Variants in FAM193A observed in about 807,000 individuals in gnomAD.
The protein encoded by FAM193A is family with sequence similarity 193 member A, also known as protein FAM193A.
Under a neutral mutation model 126.5 loss-of-function variants are expected in FAM193A, and 22 were observed. The ratio of observed to expected loss-of-function variants is 0.17; its 90% CI spans 0.12 to 0.25. The LOEUF (loss-of-function observed/expected upper bound fraction) is 0.25. FAM193A is among the 10% of genes least tolerant of loss of function. The pLI is 1.00. For synonymous variants in FAM193A, 761 were observed against 646.8 expected (o/e 1.18, Z -2.68); for missense variants, 1,675 against 1,672.8 (o/e 1.00, Z -0.02).
rs1482859844 is a variant in FAM193A at position 2,700,477 on chromosome 4, C to A, written c.4305C>A (p.Ser1435=). Reference sequence around the variant, plus strand: ...ACAGCAAGCTGGTGCTGGCAGAGTCCCCTCAGCCAAAGGGCAAGAACAAGA... The same window carrying A: ...ACAGCAAGCTGGTGCTGGCAGAGTCACCTCAGCCAAAGGGCAAGAACAAGA... ...QQNSKLVLAE[S]PQPKGKNKKN... The change falls in exon 19 of 21, where the codon TCC becomes TCA. Residue 1435 remains serine (S), a synonymous_variant. Transcript: ENST00000637812. The A allele has an allele frequency of 1.1e-5, 17 of 1,613,658 alleles. No individual in the cohort carries two copies. The highest frequency in any genetic ancestry group is 6.8e-6 in the Non-Finnish European group (8 of 1,179,676).
chr4:2,721,230 G>A (rs935372411), intron 20 of FAM193A, among the ~76,000 whole-genome samples: 6 of 148,788 alleles, frequency 4.0e-5, no homozygotes, highest in Admixed American at 6.7e-5. Context: ...GGAGAATGGC[G>A]TGAACCTGGG....
intron 2 of FAM193A, among the ~76,000 whole-genome samples, chr4:2,605,959 A>G (rs1239997168): frequency 3.7e-5 from 3 of 80,486 alleles, no homozygotes; most frequent in African/African-American, 4.9e-5. Context: ...CGACAGAGTG[A>G]GACTCTGTCT....
At chr4:2,685,620 T>C (rs145541795) in intron 13 of FAM193A, among the ~76,000 whole-genome samples, 15 of 152,332 alleles carry the variant, frequency 9.8e-5, no homozygotes, top group Non-Finnish European at 1.9e-4. Context: ...GTCTGTCATC[T>C]TAACCTTTTC....
chr4:2,595,807 C>G (rs777120597), intron 1 of FAM193A, among the ~76,000 whole-genome samples: 1 of 152,180 alleles, frequency 6.6e-6, no homozygotes, highest in Non-Finnish European at 1.5e-5. Context: ...CTGACAGTTT[C>G]TAGCATGTGG....
chr4:2,629,014 G>A (rs770300410), intron 4 of FAM193A, among the ~76,000 whole-genome samples: 6 of 152,094 alleles, frequency 3.9e-5, no homozygotes, highest in South Asian at 2.1e-4. Context: ...CACCATGCCC[G>A]GCTAATTTTT....
chr4:2,658,166 G>A (rs949820915), intron 8 of FAM193A, among the ~76,000 whole-genome samples: 3 of 152,110 alleles, frequency 2.0e-5, no homozygotes, highest in African/African-American at 7.2e-5. Flanking sequence ...TATTACCTGA[G>A]TCCCCACAGT....
Position 2,694,919 on chromosome 4 carries a change from C to G in FAM193A, c.3093-27C>G, listed in dbSNP as rs150441809. 3.3e-4 allele frequency: 509 copies of G among 1,560,508 alleles called. 5 individuals carry two copies. The East Asian group carries it at 0.012, about 35-fold the overall frequency. ...CATTGCCTCCCGGGCCGGCCACTTGCTGATGAGCTTGTATGCGGTTTTGCA... is the reference window on the plus strand; with the variant it reads ...CATTGCCTCCCGGGCCGGCCACTTGGTGATGAGCTTGTATGCGGTTTTGCA... On this transcript the variant is annotated intron_variant, in intron 16 of 20. Coordinates refer to ENST00000637812, the MANE Select transcript of FAM193A (RefSeq NM_001366318.2).
intron 1 of FAM193A, among the ~76,000 whole-genome samples, chr4:2,586,100 A>C (rs921963339): frequency 2.6e-5 from 4 of 151,710 alleles, no homozygotes; most frequent in African/African-American, 9.7e-5. Context: ...AAAATTAGCC[A>C]GGCGTGGTGG....
At chr4:2,547,081 T>C (rs1388267556) in intron 1 of FAM193A, among the ~76,000 whole-genome samples, 1 of 152,142 alleles carries the variant, frequency 6.6e-6, no homozygotes, top group African/African-American at 2.4e-5. Flanking sequence ...TGGCCTAAAC[T>C]GTTTTTTAAA....
At chr4:2,600,231 A>G (rs1741118887) in intron 2 of FAM193A, among the ~76,000 whole-genome samples, 1 of 152,158 alleles carries the variant, frequency 6.6e-6, no homozygotes, top group South Asian at 2.1e-4. Flanking sequence ...CATCCCTATC[A>G]GTCCATGGAT....
Position 2,546,308 on chromosome 4 carries a change from A to G in FAM193A, c.255+9138A>G, listed in dbSNP as rs150808833. Among the ~76,000 whole-genome samples, 465 of 152,208 alleles carry G rather than the reference A, an allele frequency of 3.1e-3. 2 individuals are homozygous for G. The highest frequency in any genetic ancestry group is 5.6e-3 in the Non-Finnish European group (380 of 68,024). Reference sequence around the variant, plus strand: ...TCCCAGCCAAAATTGAATGTTTAAAATGTGCATTTTGCATTTGAATTTTAA... The same window carrying G: ...TCCCAGCCAAAATTGAATGTTTAAAGTGTGCATTTTGCATTTGAATTTTAA... On this transcript the variant is annotated intron_variant, in intron 1 of 20. Coordinates refer to ENST00000637812, the MANE Select transcript of FAM193A (RefSeq NM_001366318.2).
chr4:2,539,850 G>A (rs1322662418), intron 1 of FAM193A, among the ~76,000 whole-genome samples: 1 of 152,092 alleles, frequency 6.6e-6, no homozygotes, highest in African/African-American at 2.4e-5. Flanking sequence ...TGTAATTCCA[G>A]CACTTCGGGA....
At chr4:2,550,769 ATTTTTATT>A (rs1451826877) in intron 1 of FAM193A, among the ~76,000 whole-genome samples, 2 of 139,432 alleles carry the variant, frequency 1.4e-5, no homozygotes, top group Non-Finnish European at 3.1e-5. Flanking sequence ...TTCAATTTAT[ATTTTTATT>A]TATTTATTTA....
intron 19 of FAM193A, among the ~76,000 whole-genome samples, chr4:2,709,925 C>T (rs1373840215): frequency 6.6e-6 from 1 of 152,060 alleles, no homozygotes; most frequent in Non-Finnish European, 1.5e-5. Flanking sequence ...TTTGGTAAAC[C>T]ATCTTTCTGT....
intron 1 of FAM193A, among the ~76,000 whole-genome samples, chr4:2,542,389 C>T (rs1030349428): frequency 2.0e-5 from 3 of 152,108 alleles, no homozygotes; most frequent in African/African-American, 7.2e-5. Context: ...ATCTATCTAC[C>T]TGCCTGGGCC....
At chr4:2,641,497 T>A (rs920265252) in intron 6 of FAM193A, among the ~76,000 whole-genome samples, 1 of 151,694 alleles carries the variant, frequency 6.6e-6, no homozygotes, top group Non-Finnish European at 1.5e-5. Flanking sequence ...CTACTAAAAA[T>A]ACAAAAAATT....
intron 12 of FAM193A, among the ~76,000 whole-genome samples, chr4:2,663,542 T>TA (rs775167398): frequency 6.7e-4 from 101 of 151,204 alleles, no homozygotes; most frequent in Admixed American, 1.6e-3. Context: ...AGAGAGGAGT[T>TA]AAAAAAAAAT....
intron 13 of FAM193A, among the ~76,000 whole-genome samples, chr4:2,676,468 TG>T (rs554874270): frequency 2.6e-4 from 40 of 152,360 alleles, no homozygotes; most frequent in Non-Finnish European, 4.4e-4. Context: ...ATATCTTCTT[TG>T]GAGAAACATC....
rs182955729 is a variant in FAM193A at position 2,582,731 on chromosome 4, G to A, written c.256-13353G>A. 3.0e-3 allele frequency among the ~76,000 whole-genome samples: 463 copies of A among 152,130 alleles called. 1 individual carries two copies. Among genetic ancestry groups the A allele is most frequent in the Non-Finnish European group, 4.9e-3 (336 of 68,008 alleles). On this transcript the variant is annotated intron_variant, in intron 1 of 20. Coordinates refer to ENST00000637812, the MANE Select transcript of FAM193A (RefSeq NM_001366318.2). ...TTTATTATTTGCTGTGTGTTATGCA[G>A]CACAGGCTTTGAATGTTTGTAGAGG...
Sources: gnomAD v4.1 joint callset for allele counts (sites outside exome capture counted in the v4.1 genomes callset) on GRCh38, gnomAD v4.1.1 for gene constraint, MANE v1.5 for transcripts, NCBI Gene and HGNC (gene_info 2026-07-23, HGNC 2026-07-21) for gene names.